The following GRID2 variants were observed in gnomAD, a reference collection of about 807,000 sequenced individuals.
GRID2 encodes glutamate ionotropic receptor delta type subunit 2, also known as glutamate receptor ionotropic, delta-2.
Under a neutral mutation model 114.8 loss-of-function variants are expected in GRID2, and 33 were observed. The observed-to-expected ratio is 0.29, with a 90% CI of 0.22 to 0.38. The LOEUF is 0.38. Ranked by LOEUF, GRID2 falls within the 10% of genes least tolerant of loss-of-function variation. GRID2 has a pLI of 1.00. For synonymous variants in GRID2, 505 were observed against 449.9 expected (o/e 1.12, Z -1.55); for missense variants, 1,184 against 1,257.7 (o/e 0.94, Z 0.89).
At position 93,037,632 on chromosome 4, in the gene GRID2, T is replaced by C. The variant is rs146512133; in HGVS notation, c.245-47363T>C. Among the ~76,000 whole-genome samples the C allele has an allele frequency of 5.5e-3, 842 of 152,216 alleles. 6 individuals are homozygous for C. Among genetic ancestry groups the C allele is most frequent in the African/African-American group, 0.019 (808 of 41,554 alleles). ...AATTTTTGTATAAAGTGTAATGAAG[T>C]GGTCCAGTTTTAGCTTTCTGCATAT... On this transcript the variant is annotated intron_variant, in intron 2 of 15. Transcript: ENST00000282020.
chr4:93,480,155 A>C (rs1007584162), intron 11 of GRID2, among the ~76,000 whole-genome samples: 3 of 152,130 alleles, frequency 2.0e-5, no homozygotes, highest in African/African-American at 7.2e-5. Context: ...GAGAATACTT[A>C]AATAAGCTAT....
At position 92,743,362 on chromosome 4, in the gene GRID2, CTTTCA is replaced by C. The variant is rs1736990594; in HGVS notation, c.244+153081_244+153085del. Among the ~76,000 whole-genome samples the C allele has an allele frequency of 2.0e-5, 3 of 152,086 alleles. No individual in the cohort carries two copies. The South Asian group carries it at 6.2e-4, about 32-fold the overall frequency. ...GGCCATTATATTTTTGTGCTTTTTT[CTTTCA>C]TTTCTGTTGTATATGAGCAGTCATA... is the stretch of plus-strand genomic sequence containing the variant. On this transcript the variant is annotated intron_variant, in intron 2 of 15. Transcript: ENST00000282020.
intron 1 of GRID2, among the ~76,000 whole-genome samples, chr4:92,579,010 A>C (rs1196395113): frequency 6.6e-6 from 1 of 152,104 alleles, no homozygotes; most frequent in Non-Finnish European, 1.5e-5. Flanking sequence ...TTTTTATTTA[A>C]ACAACAATAT....
At chr4:93,127,585 AGG>A (rs1303911537) in intron 4 of GRID2, among the ~76,000 whole-genome samples, 1 of 152,150 alleles carries the variant, frequency 6.6e-6, no homozygotes, top group Non-Finnish European at 1.5e-5. Context: ...CACTAAACCT[AGG>A]GGATAGATGC....
intron 14 of GRID2, among the ~76,000 whole-genome samples, chr4:93,685,173 A>G (rs2110102200): frequency 6.6e-6 from 1 of 152,236 alleles, no homozygotes; most frequent in African/African-American, 2.4e-5. Context: ...TATCATGTAA[A>G]GAAGAAAAGT....
At position 93,697,869 on chromosome 4, in the gene GRID2, G is replaced by GTATATATATATATA. The variant is rs749542291; in HGVS notation, c.2361-71330_2361-71329insATATATATATATAT. Reference sequence around the variant, plus strand: ...TCAATTTAGTCATTCCACAATGTGTGTATATATATATTTCAAAACAATACG... The same window carrying GTATATATATATATA: ...TCAATTTAGTCATTCCACAATGTGTGTATATATATATATATATATATATATTTCAAAACAATACG... On this transcript the variant is annotated intron_variant, in intron 14 of 15. Transcript: ENST00000282020. 2.6e-4 allele frequency among the ~76,000 whole-genome samples: 32 copies of GTATATATATATATA among 122,666 alleles called. 1 individual carries two copies. In the East Asian group the frequency reaches 4.8e-3, roughly 18 times the overall value. The allele number at this position is 122,666 out of a possible 152,430, so 80.5% of individuals were successfully genotyped here. A position where few individuals can be genotyped will look rare whatever the true frequency, so the allele number is the denominator to read the frequency against.
Position 92,939,658 on chromosome 4 carries a change from G to A in GRID2, c.245-145337G>A, listed in dbSNP as rs1383675705. On this transcript the variant is annotated intron_variant, in intron 2 of 15. Coordinates refer to ENST00000282020, the MANE Select transcript of GRID2 (RefSeq NM_001510.4). ...CCTTGCCCATGCCTATGTCCTGAATGGTATTGCCTAGGTTTTTGTCTAGGG... is the reference window on the plus strand; with the variant it reads ...CCTTGCCCATGCCTATGTCCTGAATAGTATTGCCTAGGTTTTTGTCTAGGG... 1.1e-4 allele frequency among the ~76,000 whole-genome samples: 16 copies of A among 147,162 alleles called. 1 individual carries two copies. The highest frequency in any genetic ancestry group is 3.6e-4 in the African/African-American group (15 of 41,318).
chr4:93,347,501 G>C (rs1247338078), intron 8 of GRID2, among the ~76,000 whole-genome samples: 2 of 152,046 alleles, frequency 1.3e-5, no homozygotes, highest in African/African-American at 4.8e-5. Context: ...AGAAAAAGCA[G>C]AGATTTCCTA....
intron 8 of GRID2, among the ~76,000 whole-genome samples, chr4:93,303,753 A>G (rs1755119412): frequency 6.6e-6 from 1 of 152,034 alleles, no homozygotes; most frequent in Non-Finnish European, 1.5e-5. Context: ...CCATCCATCC[A>G]TCCATCCATC....
intron 2 of GRID2, among the ~76,000 whole-genome samples, chr4:92,853,629 T>C (rs1269511511): frequency 6.6e-6 from 1 of 152,068 alleles, no homozygotes; most frequent in Non-Finnish European, 1.5e-5. Flanking sequence ...TATATTTCAA[T>C]GGTAGCATTT....
intron 1 of GRID2, among the ~76,000 whole-genome samples, chr4:92,581,074 G>A (rs1392456136): frequency 6.6e-6 from 1 of 151,660 alleles, no homozygotes; most frequent in Non-Finnish European, 1.5e-5. Flanking sequence ...TAGCACACAA[G>A]GTTCTGGTTG....
In GRID2 at chr4:93,573,450, A is replaced by G. The variant is rs1009911958; in HGVS notation, c.2194-52819A>G. The stretch of plus-strand genomic sequence containing the variant: ...TGCAACATGACTGTATGCTGCCTTT[A>G]TCTTCATCAGGGTGCTTTCAATAAT... On this transcript the variant is annotated intron_variant, in intron 13 of 15. Transcript: ENST00000282020. Among the ~76,000 whole-genome samples, 120 of 152,288 alleles carry G rather than the reference A, an allele frequency of 7.9e-4. 1 individual carries two copies. Among genetic ancestry groups the G allele is most frequent in the African/African-American group, 2.8e-3 (117 of 41,584 alleles).
At chr4:92,661,899 A>G (rs1215940393) in intron 2 of GRID2, among the ~76,000 whole-genome samples, 1 of 151,098 alleles carries the variant, frequency 6.6e-6, no homozygotes, top group Non-Finnish European at 1.5e-5. Context: ...GCTTTAGTCA[A>G]TGAGCTTAAT....
intron 1 of GRID2, among the ~76,000 whole-genome samples, chr4:92,470,214 G>T (rs973133927): frequency 6.6e-5 from 10 of 151,784 alleles, no homozygotes; most frequent in African/African-American, 2.4e-4. Flanking sequence ...AGCTATAATT[G>T]GATGTGGAAC....
At chr4:92,587,146 G>GTGTGA (rs1553903935) in intron 1 of GRID2, among the ~76,000 whole-genome samples, 1 of 149,422 alleles carries the variant, frequency 6.7e-6, no homozygotes, top group African/African-American at 2.5e-5. Context: ...GTGTGTCAGT[G>GTGTGA]GTGGAATAAT....
At chr4:92,471,057 C>G (rs1302130516) in intron 1 of GRID2, among the ~76,000 whole-genome samples, 1 of 151,902 alleles carries the variant, frequency 6.6e-6, no homozygotes, top group Admixed American at 6.6e-5. Flanking sequence ...ATGGTGAGGT[C>G]AAGCCAATTC....
At chr4:92,323,570 T>A (rs576976397) in intron 1 of GRID2, among the ~76,000 whole-genome samples, 143 of 152,206 alleles carry the variant, frequency 9.4e-4, no homozygotes, top group African/African-American at 3.0e-3. Flanking sequence ...GCTGGCCTAC[T>A]TTATGTAAAC....
chr4:93,787,529 C>A (rs1407814120), intron 1 of GRID2, among the ~76,000 whole-genome samples: 2 of 152,142 alleles, frequency 1.3e-5, no homozygotes, highest in Admixed American at 6.5e-5. Flanking sequence ...ATCCTTTCCC[C>A]TAACATCCCC....
At chr4:93,128,112 CAACTT>C (rs918001401) in intron 4 of GRID2, among the ~76,000 whole-genome samples, 2 of 134,478 alleles carry the variant, frequency 1.5e-5, no homozygotes, top group African/African-American at 2.8e-5. Flanking sequence ...GTGAAAAAGT[CAACTT>C]AACCTTTTAT....
Sources: gnomAD v4.1 joint callset for allele counts (sites outside exome capture counted in the v4.1 genomes callset) on GRCh38, gnomAD v4.1.1 for gene constraint, MANE v1.5 for transcripts, NCBI Gene and HGNC (gene_info 2026-07-23, HGNC 2026-07-21) for gene names.